The following FSTL5 variants were observed in gnomAD, a reference collection of about 807,000 sequenced individuals.
FSTL5 encodes the protein follistatin like 5.
Under a neutral mutation model 89.1 loss-of-function variants are expected in FSTL5, and 62 were observed. That is an observed-to-expected ratio of 0.70 (90% CI 0.57 to 0.86). The LOEUF is 0.86. Among genes scored for constraint, FSTL5 ranks in the 40% least tolerant of loss-of-function variants. The pLI is 0.00. For missense variants in FSTL5, 1,057 were observed against 1,001.6 expected, an observed-to-expected ratio of 1.06 and a Z score of -0.75; for synonymous variants, 383 against 346.2, an observed-to-expected ratio of 1.11 and a Z score of -1.18.
intron 6 of FSTL5, among the ~76,000 whole-genome samples, chr4:161,749,063 T>C (rs1360508597): frequency 6.6e-6 from 1 of 152,154 alleles, no homozygotes; most frequent in Non-Finnish European, 1.5e-5. Flanking sequence ...GGAACACTTA[T>C]ACAGTGTTGG....
intron 2 of FSTL5, among the ~76,000 whole-genome samples, chr4:162,110,456 A>G (rs574804817): frequency 4.7e-4 from 68 of 144,298 alleles, no homozygotes; most frequent in Non-Finnish European, 8.6e-4. Context: ...TTCCAAGGGG[A>G]AAAAAAATCT....
chr4:161,684,748 G>A (rs1409666299), intron 6 of FSTL5, among the ~76,000 whole-genome samples: 9 of 151,980 alleles, frequency 5.9e-5, no homozygotes, highest in South Asian at 2.1e-4. Flanking sequence ...TCCTTTTGCC[G>A]TGCAAAAGCT....
Position 161,386,283 on chromosome 4 carries a change from T to C in FSTL5, c.2008A>G (p.Thr670Ala), listed in dbSNP as rs781046075. ...YYFIGCKPDS[T>A]GAVSPQVMVD... Reference sequence around the variant, plus strand: ...ATGACCTGTGGGGAAACTGCTCCGGTGCTGTCAGGTTTGCAGCCAATGAAG... The same window carrying C: ...ATGACCTGTGGGGAAACTGCTCCGGCGCTGTCAGGTTTGCAGCCAATGAAG... The change falls in exon 16 of 16, where the codon ACC becomes GCC. Residue 670 changes from threonine to alanine, a missense_variant. Around this residue, in one of 3 missense-constraint regions of FSTL5, gnomAD observed 980 missense variants for 903.2 expected, o/e 1.08. Transcript: ENST00000306100. 6.2e-7 allele frequency: 1 copy of C among 1,613,992 alleles called. No homozygotes were observed. The highest frequency in any genetic ancestry group is 8.5e-7 in the Non-Finnish European group (1 of 1,179,954).
chr4:161,846,250 A>T (rs1000942228), intron 4 of FSTL5, among the ~76,000 whole-genome samples: 1 of 152,176 alleles, frequency 6.6e-6, no homozygotes, highest in Admixed American at 6.5e-5. Flanking sequence ...ATTTATATAC[A>T]TATTTGTATT....
chr4:162,090,584 G>A (rs1253778606), intron 2 of FSTL5, among the ~76,000 whole-genome samples: 2 of 152,040 alleles, frequency 1.3e-5, no homozygotes, highest in African/African-American at 4.8e-5. Flanking sequence ...ACTTTTGGAG[G>A]TTGAGGCAGG....
intron 14 of FSTL5, among the ~76,000 whole-genome samples, chr4:161,455,874 T>G (rs189775242): frequency 6.6e-6 from 1 of 152,254 alleles, no homozygotes; most frequent in Admixed American, 6.5e-5. Context: ...CTTTATCCAC[T>G]TTTAAATACT....
In FSTL5 at chr4:161,455,137, A is replaced by C. The variant is rs779736607; in HGVS notation, c.1717-9T>G. On this transcript the variant is annotated splice_polypyrimidine_tract_variant and intron_variant, in intron 14 of 15. Transcript: ENST00000306100. ...CTGGCCAGGGTAATTACCTAAAGAG[A>C]ACACACCTTGGTTAGACCTCAACAA... The C allele has an allele frequency of 3.8e-6, 6 of 1,594,244 alleles. No homozygotes were observed. The East Asian group carries it at 1.1e-4, about 30-fold the overall frequency.
intron 4 of FSTL5, among the ~76,000 whole-genome samples, chr4:161,866,570 C>A (rs968207565): frequency 6.6e-6 from 1 of 150,426 alleles, no homozygotes; most frequent in African/African-American, 2.4e-5. Flanking sequence ...AGTATCAACT[C>A]TTTAAGATAG....
intron 13 of FSTL5, among the ~76,000 whole-genome samples, chr4:161,460,482 G>A (rs1733523984): frequency 6.7e-6 from 1 of 148,700 alleles, no homozygotes; most frequent in Non-Finnish European, 1.5e-5. Flanking sequence ...AGTGAGGGAT[G>A]AAGCTAGAAA....
chr4:161,831,930 C>T (rs1730858619), intron 4 of FSTL5, among the ~76,000 whole-genome samples: 1 of 151,750 alleles, frequency 6.6e-6, no homozygotes, highest in Non-Finnish European at 1.5e-5. Context: ...TGACTTGTGG[C>T]TTTTTAACCT....
At chr4:162,029,214 C>T (rs1353100488) in intron 3 of FSTL5, among the ~76,000 whole-genome samples, 1 of 150,796 alleles carries the variant, frequency 6.6e-6, no homozygotes, top group Non-Finnish European at 1.5e-5. Flanking sequence ...CTGCAGGCGC[C>T]ATAATACATT....
At chr4:161,632,207 C>T (rs1735526420) in intron 7 of FSTL5, among the ~76,000 whole-genome samples, 1 of 152,042 alleles carries the variant, frequency 6.6e-6, no homozygotes, top group East Asian at 1.9e-4. Context: ...GGTGAAACCC[C>T]ATCTCTACTA....
chr4:161,611,351 A>C (rs1396349776), intron 7 of FSTL5, among the ~76,000 whole-genome samples: 3 of 150,258 alleles, frequency 2.0e-5, no homozygotes, highest in Non-Finnish European at 4.4e-5. Flanking sequence ...TTATCAAGAA[A>C]ATCGAGATAT....
chr4:161,593,034 T>C (rs76461326), intron 7 of FSTL5, among the ~76,000 whole-genome samples: 3,203 of 152,328 alleles, frequency 0.021, 82 homozygotes, highest in South Asian at 0.14. Context: ...AAGAGTTTTT[T>C]GTTCCTTGCC....
intron 13 of FSTL5, among the ~76,000 whole-genome samples, chr4:161,469,619 C>A (rs978806108): frequency 2.0e-5 from 3 of 147,886 alleles, no homozygotes; most frequent in Admixed American, 6.9e-5. Context: ...TATTGAAGTT[C>A]TTTGCCCACT....
intron 7 of FSTL5, among the ~76,000 whole-genome samples, chr4:161,645,171 CA>C (rs909983790): frequency 1.9e-4 from 27 of 144,720 alleles, no homozygotes; most frequent in South Asian, 6.6e-4. Context: ...AAGATAATGC[CA>C]AAAAAAAAAT....
chr4:162,018,771 A>G (rs1269884235), intron 3 of FSTL5, among the ~76,000 whole-genome samples: 1 of 152,116 alleles, frequency 6.6e-6, no homozygotes, highest in Non-Finnish European at 1.5e-5. Flanking sequence ...CTGGGACTAC[A>G]CAGTTAATAG....
intron 13 of FSTL5, among the ~76,000 whole-genome samples, chr4:161,477,465 T>C (rs1239521180): frequency 6.6e-6 from 1 of 150,664 alleles, no homozygotes; most frequent in African/African-American, 2.4e-5. Flanking sequence ...CAATTATTAT[T>C]CATTTTGACC....
chr4:161,898,715 C>T (rs1187254799), intron 4 of FSTL5, among the ~76,000 whole-genome samples: 3 of 150,390 alleles, frequency 2.0e-5, no homozygotes, highest in Non-Finnish European at 3.0e-5. Context: ...CTGCAAGCTC[C>T]GCCTCCCGGG....
Sources: gnomAD v4.1 joint callset for allele counts (sites outside exome capture counted in the v4.1 genomes callset) on GRCh38, gnomAD v4.1.1 for gene constraint, gnomAD v4.1.1 regional missense constraint, MANE v1.5 for transcripts, NCBI Gene and HGNC (gene_info 2026-07-23, HGNC 2026-07-21) for gene names.